The following CASZ1 variants were observed in gnomAD, a reference collection of about 807,000 sequenced individuals.
The protein encoded by CASZ1 is zinc finger protein castor homolog 1.
CASZ1 carries 28 observed loss-of-function variants against 135.2 expected under a neutral mutation model. The ratio of observed to expected loss-of-function variants is 0.21; its 90% CI spans 0.15 to 0.28. The LOEUF (loss-of-function observed/expected upper bound fraction) is 0.28. Ranked by LOEUF, CASZ1 falls within the 10% of genes least tolerant of loss-of-function variation. CASZ1 has a pLI of 1.00. For missense variants in CASZ1, 2,161 were observed against 2,453.3 expected (o/e 0.88, Z 2.52); for synonymous variants, 1,068 against 1,073.4 (o/e 0.99, Z 0.10).
At chr1:10,752,846 G>A (rs1200324973) in intron 2 of CASZ1, among the ~76,000 whole-genome samples, 2 of 152,182 alleles carry the variant, frequency 1.3e-5, no homozygotes, top group Non-Finnish European at 2.9e-5. Flanking sequence ...GACCAGCCTG[G>A]CCAACATGGT....
rs1640902692 is a variant in CASZ1, at chr1:10,788,760, C to T, written c.-234+7804G>A. Among the ~76,000 whole-genome samples, 1 of 152,138 alleles carries T rather than the reference C, an allele frequency of 6.6e-6. No homozygotes were observed. The highest frequency in any genetic ancestry group is 1.5e-5 in the Non-Finnish European group (1 of 68,018). Reference sequence around the variant, plus strand: ...GCTTTGCCTGGAAGCTGGTCACTGGCAGGGCTGGCCCGGGAGCTGTGCCAT... The same window carrying T: ...GCTTTGCCTGGAAGCTGGTCACTGGTAGGGCTGGCCCGGGAGCTGTGCCAT... On this transcript the variant is annotated intron_variant, in intron 1 of 20. Coordinates refer to ENST00000377022, the MANE Select transcript of CASZ1 (RefSeq NM_001079843.3). This position sits in a 1 kb window ranked among gnomAD's most constrained non-coding sequence, Gnocchi z 4.1.
rs1642011756 is a variant in CASZ1, at chr1:10,636,892, A to G, written c.*2050T>C. ...TATATACATATAGATATATACACAC[A>G]CATATGTGCATACATATTATTTGAT... On this transcript the variant is annotated 3_prime_UTR_variant, in exon 21 of 21. Coordinates refer to ENST00000377022, the MANE Select transcript of CASZ1 (RefSeq NM_001079843.3). 6.6e-6 allele frequency: 1 copy of G among 152,018 alleles called. No homozygotes were observed. The highest frequency in any genetic ancestry group is 6.6e-5 in the Admixed American group (1 of 15,224). The allele number at this position is 152,018 out of a possible 1,614,324, so 9.4% of individuals were successfully genotyped here.
Position 10,639,544 on chromosome 1 carries a change from G to T in CASZ1, c.4678C>A (p.Pro1560Thr), listed in dbSNP as rs1194384578. 1 of 1,610,546 alleles carries T rather than the reference G, an allele frequency of 6.2e-7. No homozygotes were observed. The highest frequency in any genetic ancestry group is 1.3e-5 in the African/African-American group (1 of 74,916). ...QFSSSADCAVPDCKYKLKCSH... is the reference protein window; with the variant it reads ...QFSSSADCAVTDCKYKLKCSH... ...CACTTGAGCTTGTACTTGCAGTCGG[G>T]CACGGCGCAGTCGGCGCTGGAGCTG... The change falls in exon 21 of 21, where the codon CCC becomes ACC. Residue 1560 changes from proline to threonine, a missense_variant. Transcript: ENST00000377022. This position sits in a 1 kb window ranked among gnomAD's most constrained non-coding sequence, Gnocchi z 4.0.
At position 10,647,108 on chromosome 1, in the gene CASZ1, A is replaced by C; in HGVS notation, c.3497+693T>G. 1 of 265,380 alleles carries C rather than the reference A, an allele frequency of 3.8e-6. No individual in the cohort carries two copies. The highest frequency in any genetic ancestry group is 4.6e-6 in the Non-Finnish European group (1 of 216,242). 16.4% of individuals were successfully genotyped at this position (265,380 alleles called of 1,614,324 possible). ...TGCTACTCTGGGGAGGAGGAGGGGG[A>C]GGGGAGGCTGGTGGGGGGGACGGAG... On this transcript the variant is annotated intron_variant, in intron 16 of 20. Transcript: ENST00000377022. The surrounding 1 kb of genome is among the most constrained non-coding windows in gnomAD (Gnocchi z 4.9).
At chr1:10,750,129 C>G (rs2100553642) in intron 2 of CASZ1, among the ~76,000 whole-genome samples, 1 of 152,244 alleles carries the variant, frequency 6.6e-6, no homozygotes, top group African/African-American at 2.4e-5. Context: ...CTGAGAAACC[C>G]TGGCACACGT....
chr1:10,750,461 TA>T lies in CASZ1; in HGVS notation c.-77+10239del, dbSNP rs773969541. 9.2e-5 allele frequency among the ~76,000 whole-genome samples: 14 copies of T among 152,098 alleles called. 1 individual carries two copies. The highest frequency in any genetic ancestry group is 1.3e-4 in the Non-Finnish European group (9 of 68,032). The stretch of plus-strand genomic sequence containing the variant: ...CCACACCTGGCTAATTTTTATTTTT[TA>T]ATTTTTTTTTTAAGAGATGGGAGTC... On this transcript the variant is annotated intron_variant, in intron 2 of 20. Coordinates refer to ENST00000377022, the MANE Select transcript of CASZ1 (RefSeq NM_001079843.3).
chr1:10,753,516 C>T (rs1344298677), intron 2 of CASZ1, among the ~76,000 whole-genome samples: 1 of 152,242 alleles, frequency 6.6e-6, no homozygotes, highest in Non-Finnish European at 1.5e-5. Flanking sequence ...GGCTAATCCC[C>T]TGGGTGGCTC....
intron 2 of CASZ1, among the ~76,000 whole-genome samples, chr1:10,742,180 G>A (rs193127987): frequency 1.4e-4 from 21 of 152,184 alleles, no homozygotes; most frequent in Admixed American, 9.2e-4. Context: ...ATGCCACCCC[G>A]GTGTCCGCTT....
Position 10,649,415 on chromosome 1 carries a change from A to G in CASZ1, c.2903T>C (p.Leu968Pro), listed in dbSNP as rs775124399. Residue 968 changes from leucine (L) to proline (P), a missense_variant, in exon 14 of 21, where the codon CTG becomes CCG. Transcript: ENST00000377022. Reference sequence around the variant, plus strand: ...CGCCTTGATGTTCAGCAGGCTGCCCAGGCCAGGGTTGCCCTGAGACATCTG... The same window carrying G: ...CGCCTTGATGTTCAGCAGGCTGCCCGGGCCAGGGTTGCCCTGAGACATCTG... Reference protein sequence around the residue: ...MNKMSQGNPGLGSLLNIKAEA... With the variant: ...MNKMSQGNPGPGSLLNIKAEA... 42 of 1,610,530 alleles carry G rather than the reference A, an allele frequency of 2.6e-5. 1 individual carries two copies. In the South Asian group the frequency reaches 4.4e-4, roughly 17 times the overall value.
intron 2 of CASZ1, among the ~76,000 whole-genome samples, chr1:10,751,665 G>A (rs1350812784): frequency 2.0e-5 from 3 of 152,220 alleles, no homozygotes; most frequent in Non-Finnish European, 1.5e-5. Flanking sequence ...AAGAGGCTGA[G>A]AGCTCGGGAA....
chr1:10,684,172 C>T (rs1402073631), intron 4 of CASZ1, among the ~76,000 whole-genome samples: 3 of 128,114 alleles, frequency 2.3e-5, no homozygotes, highest in Non-Finnish European at 3.2e-5. Flanking sequence ...GATAAACTTA[C>T]GGTGGTGGGG....
In CASZ1 at chr1:10,654,306, T is replaced by G. The variant is rs1014150477; in HGVS notation, c.1839-88A>C. Reference sequence around the variant, plus strand: ...GCCCTGGGAGGGACAGTCCCCCGGGTGGAAAACCCAGGCTGGACACCGAGG... The same window carrying G: ...GCCCTGGGAGGGACAGTCCCCCGGGGGGAAAACCCAGGCTGGACACCGAGG... On this transcript the variant is annotated intron_variant, in intron 10 of 20. Coordinates refer to ENST00000377022, the MANE Select transcript of CASZ1 (RefSeq NM_001079843.3). 4.4e-6 allele frequency: 7 copies of G among 1,577,382 alleles called. No homozygotes were observed. The African/African-American group carries it at 9.4e-5, about 21-fold the overall frequency.
At chr1:10,689,416 G>A (rs1443930925) in intron 4 of CASZ1, among the ~76,000 whole-genome samples, 1 of 152,224 alleles carries the variant, frequency 6.6e-6, no homozygotes, top group Non-Finnish European at 1.5e-5. Context: ...TGTGGGGGCT[G>A]GGGGAACACC....
chr1:10,657,886 G>T lies in CASZ1; in HGVS notation c.1409+622C>A, dbSNP rs1429033255. The stretch of plus-strand genomic sequence containing the variant: ...CTGCCAATCCCACTGCCTTTGGGAT[G>T]GAAAGGGGTTGGTCTGGAGTCAGGT... On this transcript the variant is annotated intron_variant, in intron 7 of 20. Transcript: ENST00000377022. The surrounding 1 kb of genome is among the most constrained non-coding windows in gnomAD (Gnocchi z 5.7). 6.6e-6 allele frequency: 1 copy of T among 152,352 alleles called. No individual in the cohort carries two copies. The highest frequency in any genetic ancestry group is 1.5e-5 in the Non-Finnish European group (1 of 68,168). The allele number at this position is 152,352 out of a possible 1,614,324, so 9.4% of individuals were successfully genotyped here.
rs1464850600 is a variant in CASZ1 at position 10,659,869 on chromosome 1, G to A, written c.1173C>T (p.Pro391=). The change falls in exon 6 of 21, where the codon CCC becomes CCT. Residue 391 remains proline (P), a synonymous_variant. Coordinates refer to ENST00000377022, the MANE Select transcript of CASZ1 (RefSeq NM_001079843.3). ...GGGGTGCGGGAGCCAGGCTGGGGGT[G>A]GGCGGAACCTTGGCGGGGCCTGGCT... ...IQKPGPAKVP[P]TPSLAPAPLA... is the part of the protein sequence containing the mutation. The A allele has an allele frequency of 1.2e-6, 2 of 1,611,336 alleles. No individual in the cohort carries two copies. The highest frequency in any genetic ancestry group is 2.2e-5 in the South Asian group (2 of 90,912).
intron 4 of CASZ1, among the ~76,000 whole-genome samples, chr1:10,689,267 C>A (rs1638690604): frequency 6.6e-6 from 1 of 152,258 alleles, no homozygotes; most frequent in African/African-American, 2.4e-5. Flanking sequence ...CCTGCTCAGG[C>A]AGCGGGCACG....
intron 15 of CASZ1, chr1:10,648,742 G>A (rs1224286111): frequency 3.3e-6 from 1 of 304,012 alleles, no homozygotes; most frequent in Non-Finnish European, 6.2e-6. Flanking sequence ...TCACAGCCGA[G>A]TCTCTCCAGC....
rs943278889 is a variant in CASZ1 at position 10,720,448 on chromosome 1, AG to A, written c.-76-14905del. Among the ~76,000 whole-genome samples the A allele has an allele frequency of 1.4e-4, 22 of 152,172 alleles. No individual in the cohort carries two copies. The highest frequency in any genetic ancestry group is 1.2e-3 in the Admixed American group (18 of 15,280). On this transcript the variant is annotated intron_variant, in intron 2 of 20. Coordinates refer to ENST00000377022, the MANE Select transcript of CASZ1 (RefSeq NM_001079843.3). This position sits in a 1 kb window ranked among gnomAD's most constrained non-coding sequence, Gnocchi z 5.7. Reference sequence around the variant, plus strand: ...CTCCCCAAAGAGCCTGGGGAAGCTCAGAAATGTCTAGAGGAGGCCACCCCTA... The same window carrying A: ...CTCCCCAAAGAGCCTGGGGAAGCTCAAAATGTCTAGAGGAGGCCACCCCTA...
rs284242 is a variant in CASZ1, at chr1:10,646,034, G to A, written c.3696+94C>T. The A allele has an allele frequency of 0.046, 54,822 of 1,190,390 alleles. 1,990 individuals carry two copies. The highest frequency in any genetic ancestry group is 0.13 in the African/African-American group (8,358 of 66,302). 73.7% of individuals were successfully genotyped at this position (1,190,390 alleles called of 1,614,324 possible). A position where few individuals can be genotyped will look rare whatever the true frequency, so the allele number is the denominator to read the frequency against. On this transcript the variant is annotated intron_variant, in intron 17 of 20. Transcript: ENST00000377022. This position sits in a 1 kb window ranked among gnomAD's most constrained non-coding sequence, Gnocchi z 6.4. ...AAATAAGCAAGGTGTGAGAAATGGA[G>A]CCTCTGCCAGGAGGTGACTGTCCTG...
Sources: gnomAD v4.1 joint callset for allele counts (sites outside exome capture counted in the v4.1 genomes callset) on GRCh38, gnomAD v4.1.1 for gene constraint, Gnocchi (gnomAD v3.1) non-coding constraint, MANE v1.5 for transcripts, NCBI Gene and HGNC (gene_info 2026-07-23, HGNC 2026-07-21) for gene names.